APOE: variants seen among roughly 807,000 people sequenced by gnomAD.
APOE encodes apolipoprotein E3.
A neutral mutation model predicts 13.1 loss-of-function variants in APOE; 10 were observed. The ratio of observed to expected loss-of-function variants is 0.76; its 90% CI spans 0.47 to 1.29. APOE has a LOEUF of 1.29. Among genes scored for constraint, APOE ranks in the 50% most tolerant of loss-of-function variants. The probability of loss-of-function intolerance (pLI) is 0.00; values close to 1 mark genes in which losing one functional copy is unlikely to be tolerated. For synonymous variants in APOE, 211 were observed against 207.1 expected (o/e 1.02, Z -0.16); for missense variants, 471 against 459.6 (o/e 1.02, Z -0.23).
At chr19:44,908,439 G>T in intron 3 of APOE, 94 bp from the exon 4 acceptor site, 1 of 1,272,822 alleles carries the variant, frequency 7.9e-7, no homozygotes, top group Non-Finnish European at 1.1e-6. Flanking sequence ...TCTCCCTCTT[G>T]GGTCTCTCTG....
At chr19:44,906,562 GTCC>G in intron 1 of APOE, 37 bp from the exon 2 acceptor site, 1 of 1,612,846 alleles carries the variant, frequency 6.2e-7, no homozygotes, top group Non-Finnish European at 8.5e-7. Context: ...GGTGGGAGGA[GTCC>G]TCACTGGCGG....
chr19:44,905,881 G>A (rs1434244093), intron 1 of APOE, 40 bp downstream of exon 1: 2 of 1,294,712 alleles, frequency 1.5e-6, no homozygotes, highest in East Asian at 5.7e-5. Context: ...GAGCTCAGGG[G>A]CCTCTAGAAA....
chr19:44,909,310 C>G lies in APOE; in HGVS notation c.*60C>G, dbSNP rs948611038. ...CCCCGTGCCTCCTGCCTCCGCGCAG[C>G]CTGCAGCGGGAGACCCTGTCCCCGC... On this transcript the variant is annotated 3_prime_UTR_variant, in exon 4 of 4. Coordinates refer to ENST00000252486, the MANE Select transcript of APOE (RefSeq NM_000041.4). 6.6e-7 allele frequency: 1 copy of G among 1,508,400 alleles called. No individual in the cohort carries two copies. The allele number at this position is 1,508,400 out of a possible 1,614,324, so 93.4% of individuals were successfully genotyped here. A position where few individuals can be genotyped will look rare whatever the true frequency, so the allele number is the denominator to read the frequency against.
intron 1 of APOE, 105 bp from the exon 2 acceptor site, chr19:44,906,497 G>C: frequency 8.3e-7 from 1 of 1,199,610 alleles, no homozygotes; most frequent in Non-Finnish European, 1.2e-6. Context: ...TGCAGATAAT[G>C]CAACAAGGCT....
rs1969826740 is a variant in APOE, at chr19:44,907,316, G to A, written c.44-444G>A. 7.4e-6 allele frequency: 2 copies of A among 269,384 alleles called. No homozygotes were observed. Among genetic ancestry groups the A allele is most frequent in the Admixed American group, 4.7e-5 (1 of 21,264 alleles). The allele number at this position is 269,384 out of a possible 1,614,324, so 16.7% of individuals were successfully genotyped here. On this transcript the variant is annotated intron_variant, in intron 2 of 3. Transcript: ENST00000252486. This position sits in a 1 kb window ranked among gnomAD's most constrained non-coding sequence, Gnocchi z 4.1. ...AAGGACACTCAATACATGCTTTTCC[G>A]CTGGGCGCGGTGGCTCACCCCTGTA...
Position 44,908,634 on chromosome 19 carries a change from A to G in APOE, c.338A>G (p.Lys113Arg). The change falls in exon 4 of 4, where the codon AAG becomes AGG. Residue 113 changes from lysine to arginine, a missense_variant. Lys to Arg is a conservative substitution (Grantham distance 26). Coordinates refer to ENST00000252486, the MANE Select transcript of APOE (RefSeq NM_000041.4). ...VAEETRARLS[K>R]ELQAAQARLG... ...GAGGAGACGCGGGCACGGCTGTCCA[A>G]GGAGCTGCAGGCGGCGCAGGCCCGG... is the stretch of plus-strand genomic sequence containing the variant. 1 of 1,604,498 alleles carries G rather than the reference A, an allele frequency of 6.2e-7. No homozygotes were observed. Among genetic ancestry groups the G allele is most frequent in the Non-Finnish European group, 8.5e-7 (1 of 1,175,512 alleles).
In APOE at chr19:44,909,101, C is replaced by T. The variant is rs267606661; in HGVS notation, c.805C>T (p.Arg269Cys). 4 of 1,587,700 alleles carry T rather than the reference C, an allele frequency of 2.5e-6. No homozygotes were observed. The highest frequency in any genetic ancestry group is 2.3e-5 in the South Asian group (2 of 88,826). The change falls in exon 4 of 4, where the codon CGC becomes TGC. Residue 269 changes from arginine to cysteine, a missense_variant. Arg to Cys is a radical substitution (Grantham distance 180, BLOSUM62 -3). Coordinates refer to ENST00000252486, the MANE Select transcript of APOE (RefSeq NM_000041.4). Reference sequence around the variant, plus strand: ...GCTGGAGGAGCAGGCCCAGCAGATACGCCTGCAGGCCGAGGCCTTCCAGGC... The same window carrying T: ...GCTGGAGGAGCAGGCCCAGCAGATATGCCTGCAGGCCGAGGCCTTCCAGGC... Reference protein sequence around the residue: ...AKLEEQAQQIRLQAEAFQARL... With the variant: ...AKLEEQAQQICLQAEAFQARL...
In APOE at chr19:44,907,606, A is replaced by T. The variant is rs1295038887; in HGVS notation, c.44-154A>T. Reference sequence around the variant, plus strand: ...AGCAAGACCCTGTTTATAAATACATAATGCTTTCCAAGTGATTAAACCGAC... The same window carrying T: ...AGCAAGACCCTGTTTATAAATACATTATGCTTTCCAAGTGATTAAACCGAC... On this transcript the variant is annotated intron_variant, in intron 2 of 3. Transcript: ENST00000252486. The surrounding 1 kb of genome is among the most constrained non-coding windows in gnomAD (Gnocchi z 4.1). 6.6e-6 allele frequency among the ~76,000 whole-genome samples: 1 copy of T among 152,036 alleles called. No individual in the cohort carries two copies.
intron 1 of APOE, 159 bp from the exon 2 acceptor site, chr19:44,906,443 A>T: frequency 1.4e-6 from 1 of 733,826 alleles, no homozygotes; most frequent in South Asian, 1.5e-5. Flanking sequence ...TTAAATAGGG[A>T]ATGGGTTGGG....
In APOE at chr19:44,909,222, C is replaced by T; in HGVS notation, c.926C>T (p.Ala309Val). ...GTGCAGGCTGCCGTGGGCACCAGCG[C>T]CGCCCCTGTGCCCAGCGACAATCAC... is the stretch of plus-strand genomic sequence containing the variant. The part of the protein sequence containing the change: ...EKVQAAVGTS[A>V]APVPSDNH Residue 309 changes from alanine to valine, a missense_variant, in exon 4 of 4, where the codon GCC becomes GTC. Physicochemically the swap from Ala to Val is moderately conservative, Grantham distance 64 (BLOSUM62 0). Coordinates refer to ENST00000252486, the MANE Select transcript of APOE (RefSeq NM_000041.4). 6.3e-7 allele frequency: 1 copy of T among 1,596,884 alleles called. No individual in the cohort carries two copies. Among genetic ancestry groups the T allele is most frequent in the Non-Finnish European group, 8.5e-7 (1 of 1,179,094 alleles).
rs1969880289 is a variant in APOE, at chr19:44,909,022, G to A, written c.726G>A (p.Arg242=). Residue 242 remains arginine, a synonymous_variant, in exon 4 of 4, where the codon CGG becomes CGA. Transcript: ENST00000252486. ...LRARMEEMGS[R]TRDRLDEVKE... is the part of the protein sequence containing the mutation. ...CGCGGATGGAGGAGATGGGCAGCCG[G>A]ACCCGCGACCGCCTGGACGAGGTGA... 1 of 1,540,124 alleles carries A rather than the reference G, an allele frequency of 6.5e-7. No homozygotes were observed. The highest frequency in any genetic ancestry group is 2.0e-5 in the Admixed American group (1 of 51,092).
chr19:44,909,331 C>G lies in APOE; in HGVS notation c.*81C>G. The G allele has an allele frequency of 7.4e-7, 1 of 1,348,986 alleles. No individual in the cohort carries two copies. The highest frequency in any genetic ancestry group is 1.0e-6 in the Non-Finnish European group (1 of 962,668). 83.6% of individuals were successfully genotyped at this position (1,348,986 alleles called of 1,614,324 possible). A position where few individuals can be genotyped will look rare whatever the true frequency, so the allele number is the denominator to read the frequency against. ...GCAGCCTGCAGCGGGAGACCCTGTC[C>G]CCGCCCCAGCCGTCCTCCTGGGGTG... On this transcript the variant is annotated 3_prime_UTR_variant, in exon 4 of 4. Transcript: ENST00000252486.
At chr19:44,906,446 G>T in intron 1 of APOE, 156 bp from the exon 2 acceptor site, 1 of 749,270 alleles carries the variant, frequency 1.3e-6, no homozygotes, top group Non-Finnish European at 2.4e-6. Context: ...AATAGGGAAT[G>T]GGTTGGGGGC....
Position 44,907,692 on chromosome 19 carries a change from C to A in APOE, c.44-68C>A. ...GCATTTGTGGAGCACCTTCTGTGTG[C>A]CCCTAGGTACTAGATGCCTGGACGG... On this transcript the variant is annotated intron_variant, in intron 2 of 3. Coordinates refer to ENST00000252486, the MANE Select transcript of APOE (RefSeq NM_000041.4). The surrounding 1 kb of genome is among the most constrained non-coding windows in gnomAD (Gnocchi z 4.1). 1 of 1,416,532 alleles carries A rather than the reference C, an allele frequency of 7.1e-7. No homozygotes were observed. Among genetic ancestry groups the A allele is most frequent in the Non-Finnish European group, 9.7e-7 (1 of 1,033,956 alleles). 87.7% of individuals were successfully genotyped at this position (1,416,532 alleles called of 1,614,324 possible). A position where few individuals can be genotyped will look rare whatever the true frequency, so the allele number is the denominator to read the frequency against.
rs1471997722 is a variant in APOE at position 44,908,958 on chromosome 19, T to C, written c.662T>C (p.Leu221Pro). ...ATVGSLAGQP[L>P]QERAQAWGER... ...GTGGGCTCCCTGGCCGGCCAGCCGC[T>C]ACAGGAGCGGGCCCAGGCCTGGGGC... Residue 221 changes from leucine to proline, a missense_variant, in exon 4 of 4, where the codon CTA becomes CCA. Coordinates refer to ENST00000252486, the MANE Select transcript of APOE (RefSeq NM_000041.4). 6.5e-7 allele frequency: 1 copy of C among 1,527,172 alleles called. No homozygotes were observed. The highest frequency in any genetic ancestry group is 2.2e-4 in the Middle Eastern group (1 of 4,448). The allele number at this position is 1,527,172 out of a possible 1,614,324, so 94.6% of individuals were successfully genotyped here. A position where few individuals can be genotyped will look rare whatever the true frequency, so the allele number is the denominator to read the frequency against.
Position 44,908,654 on chromosome 19 carries a change from G to T in APOE, c.358G>T (p.Ala120Ser), listed in dbSNP as rs1324343215. 1.9e-6 allele frequency: 3 copies of T among 1,589,542 alleles called. No individual in the cohort carries two copies. In the African/African-American group the frequency reaches 4.0e-5, roughly 21 times the overall value. ...GTCCAAGGAGCTGCAGGCGGCGCAG[G>T]CCCGGCTGGGCGCGGACATGGAGGA... The part of the protein sequence containing the change: ...RLSKELQAAQ[A>S]RLGADMEDVC... The change falls in exon 4 of 4, where the codon GCC (alanine) becomes TCC (serine). Residue 120 changes from alanine (A) to serine (S), a missense_variant. Coordinates refer to ENST00000252486, the MANE Select transcript of APOE (RefSeq NM_000041.4).
At chr19:44,906,460 T>A (rs1969808700) in intron 1 of APOE, 142 bp from the exon 2 acceptor site, 1 of 840,916 alleles carries the variant, frequency 1.2e-6, no homozygotes. Flanking sequence ...TGGGGGCGGC[T>A]TGGTAAATGT....
intron 2 of APOE, 96 bp downstream of exon 2, chr19:44,906,763 C>A (rs1969816919): frequency 8.3e-7 from 1 of 1,201,568 alleles, no homozygotes; most frequent in Non-Finnish European, 1.2e-6. Flanking sequence ...TGGGCCCCCT[C>A]TTCTGAGGCT....
rs1018669382 is a variant in APOE, at chr19:44,908,759, C to G, written c.463C>G (p.Leu155Val). 1.3e-6 allele frequency: 2 copies of G among 1,560,116 alleles called. No homozygotes were observed. Reference sequence around the variant, plus strand: ...GAGCACCGAGGAGCTGCGGGTGCGCCTCGCCTCCCACCTGCGCAAGCTGCG... The same window carrying G: ...GAGCACCGAGGAGCTGCGGGTGCGCGTCGCCTCCCACCTGCGCAAGCTGCG... ...GQSTEELRVR[L>V]ASHLRKLRKR... Residue 155 changes from leucine to valine, a missense_variant, in exon 4 of 4, where the codon CTC becomes GTC. Transcript: ENST00000252486.
Sources: allele counts gnomAD v4.1 joint callset (sites outside exome capture counted in the v4.1 genomes callset), GRCh38; gene constraint gnomAD v4.1.1; non-coding constraint Gnocchi (gnomAD v3.1); transcripts MANE v1.5; gene names NCBI Gene and HGNC (gene_info 2026-07-23, HGNC 2026-07-21).